CACNA2D4: variants seen among roughly 807,000 people sequenced by gnomAD.
The protein encoded by CACNA2D4 is calcium voltage-gated channel auxiliary subunit alpha2delta 4, also known as voltage-dependent calcium channel subunit alpha-2/delta-4.
Under a neutral mutation model 163.8 loss-of-function variants are expected in CACNA2D4, and 157 were observed. The ratio of observed to expected loss-of-function variants is 0.96; its 90% CI spans 0.84 to 1.09. The LOEUF is 1.09. CACNA2D4 is among the 50% of genes least tolerant of loss of function. CACNA2D4 has a pLI of 0.00. For missense variants in CACNA2D4, 1,410 were observed against 1,479.9 expected (o/e 0.95, Z 0.78); for synonymous variants, 598 against 586.9 (o/e 1.02, Z -0.27).
chr12:1,853,823 C>T (rs940080967), intron 23 of CACNA2D4, 128 bp downstream of exon 23: 1 of 674,230 alleles, frequency 1.5e-6, no homozygotes, highest in Non-Finnish European at 2.6e-6. Flanking sequence ...GGGACCTCCA[C>T]TTAATCTTAG....
At chr12:1,900,217 A>G (rs1866503712) in intron 6 of CACNA2D4, among the ~76,000 whole-genome samples, 2 of 152,100 alleles carry the variant, frequency 1.3e-5, no homozygotes, top group Non-Finnish European at 2.9e-5. Context: ...GCAGCCTCAG[A>G]CTCCTGGGGT....
At position 1,882,920 on chromosome 12, in the gene CACNA2D4, C is replaced by A. The variant is rs1380738626; in HGVS notation, c.1432G>T (p.Val478Phe). Residue 478 changes from valine to phenylalanine, a missense_variant, in exon 13 of 38, where the codon GTC (valine) becomes TTC (phenylalanine). Coordinates refer to ENST00000382722, the MANE Select transcript of CACNA2D4 (RefSeq NM_172364.5). ...ATGATGTCGTGGTCGTGGTTGATGA[C>A]CATGGGGCGGCTGAGCACGTGCAGG... is the stretch of plus-strand genomic sequence containing the variant. ...EYLHVLSRPMVINHDHDIIWT... is the reference protein window; with the variant it reads ...EYLHVLSRPMFINHDHDIIWT... The A allele has an allele frequency of 6.2e-7, 1 of 1,613,796 alleles. No individual in the cohort carries two copies. The highest frequency in any genetic ancestry group is 8.5e-7 in the Non-Finnish European group (1 of 1,179,826).
intron 18 of CACNA2D4, among the ~76,000 whole-genome samples, chr12:1,861,066 G>A (rs1221363122): frequency 1.3e-5 from 2 of 152,222 alleles, no homozygotes; most frequent in East Asian, 1.9e-4. Context: ...ACAAGTTCAT[G>A]TCATTGGGAA....
chr12:1,859,284 G>A (rs762743708), intron 19 of CACNA2D4, among the ~76,000 whole-genome samples: 6 of 152,038 alleles, frequency 3.9e-5, no homozygotes, highest in Admixed American at 6.6e-5. Context: ...GCTTGAGCCC[G>A]GGAGGTGGAG....
At chr12:1,817,429 T>G (rs1863912377) in intron 26 of CACNA2D4, among the ~76,000 whole-genome samples, 1 of 152,066 alleles carries the variant, frequency 6.6e-6, no homozygotes, top group African/African-American at 2.4e-5. Flanking sequence ...CCAGTCCCCC[T>G]GCTTGAACAG....
intron 6 of CACNA2D4, among the ~76,000 whole-genome samples, chr12:1,888,150 G>A (rs965370259): frequency 6.6e-6 from 1 of 152,182 alleles, no homozygotes; most frequent in Non-Finnish European, 1.5e-5. Context: ...AGTCATGGGA[G>A]GTAGGGCTTT....
chr12:1,887,411 G>T (rs1371751403), intron 6 of CACNA2D4, among the ~76,000 whole-genome samples: 1 of 152,224 alleles, frequency 6.6e-6, no homozygotes, highest in Admixed American at 6.5e-5. Context: ...ATCCAGCAAA[G>T]TGTGGACAAA....
chr12:1,910,666 G>T (rs144063295), intron 3 of CACNA2D4, among the ~76,000 whole-genome samples: 2 of 152,276 alleles, frequency 1.3e-5, no homozygotes, highest in East Asian at 3.9e-4. Flanking sequence ...ATATTATGCA[G>T]CCCTAAAAAG....
intron 26 of CACNA2D4, among the ~76,000 whole-genome samples, chr12:1,838,945 C>A (rs1393777553): frequency 6.6e-6 from 1 of 152,216 alleles, no homozygotes; most frequent in African/African-American, 2.4e-5. Flanking sequence ...GGGCACAAAT[C>A]CCTTCCAAGT....
rs564361725 is a variant in CACNA2D4 at position 1,829,706 on chromosome 12, T to C, written c.2551+11033A>G. 6.9e-6 allele frequency among the ~76,000 whole-genome samples: 1 copy of C among 144,688 alleles called. No homozygotes were observed. Among genetic ancestry groups the C allele is most frequent in the South Asian group, 2.5e-4 (1 of 4,016 alleles). 94.9% of individuals were successfully genotyped at this position (144,688 alleles called of 152,430 possible). A position where few individuals can be genotyped will look rare whatever the true frequency, so the allele number is the denominator to read the frequency against. ...CACAGCCCATCGGCCCACCCCGACC[T>C]GGGACAGCCAGGTCCCAGGTCCCAT... On this transcript the variant is annotated intron_variant, in intron 26 of 37. Coordinates refer to ENST00000382722, the MANE Select transcript of CACNA2D4 (RefSeq NM_172364.5). This position sits in a 1 kb window ranked among gnomAD's most constrained non-coding sequence, Gnocchi z 4.2.
At chr12:1,832,494 G>T (rs1461141598) in intron 26 of CACNA2D4, among the ~76,000 whole-genome samples, 1 of 152,220 alleles carries the variant, frequency 6.6e-6, no homozygotes, top group Non-Finnish European at 1.5e-5. Flanking sequence ...GATGCTCAAT[G>T]AATGTTTGCT....
chr12:1,795,879 G>A (rs1302834970), intron 35 of CACNA2D4, 99 bp from the exon 36 acceptor site: 2 of 816,828 alleles, frequency 2.4e-6, no homozygotes, highest in Non-Finnish European at 4.2e-6. Context: ...AGTTAGGGTG[G>A]CAGGGAAGCC....
At chr12:1,846,573 G>A (rs766319263) in intron 24 of CACNA2D4, 21 bp downstream of exon 24, 53 of 1,563,536 alleles carry the variant, frequency 3.4e-5, no homozygotes, top group African/African-American at 2.2e-4. Context: ...TTGCCCTCCC[G>A]AGGTGGCCGG....
chr12:1,799,936 T>G lies in CACNA2D4; in HGVS notation c.2974+64A>C. 6.6e-7 allele frequency: 1 copy of G among 1,515,484 alleles called. No homozygotes were observed. The allele number at this position is 1,515,484 out of a possible 1,614,324, so 93.9% of individuals were successfully genotyped here. The stretch of plus-strand genomic sequence containing the variant: ...GTCACCCACCCCACAGGGAATGGTC[T>G]CACGTTAGTGGACCAAAATGCCACT... On this transcript the variant is annotated intron_variant, in intron 33 of 37. Coordinates refer to ENST00000382722, the MANE Select transcript of CACNA2D4 (RefSeq NM_172364.5). The surrounding 1 kb of genome is among the most constrained non-coding windows in gnomAD (Gnocchi z 4.7).
At chr12:1,876,077 C>T (rs1429067509) in intron 16 of CACNA2D4, among the ~76,000 whole-genome samples, 1 of 152,232 alleles carries the variant, frequency 6.6e-6, no homozygotes, top group Non-Finnish European at 1.5e-5. Context: ...TCCCTCTTCA[C>T]AATCGTAAGC....
At chr12:1,913,784 C>T (rs1277018728) in intron 2 of CACNA2D4, among the ~76,000 whole-genome samples, 1 of 152,244 alleles carries the variant, frequency 6.6e-6, no homozygotes, top group Non-Finnish European at 1.5e-5. Context: ...TGTCTATTCA[C>T]CCAGCTCTGC....
At chr12:1,846,761 T>G (rs1265473261) in intron 23 of CACNA2D4, 72 bp from the exon 24 acceptor site, 9 of 1,244,310 alleles carry the variant, frequency 7.2e-6, no homozygotes, top group African/African-American at 1.5e-5. Flanking sequence ...CTGCAGGGGT[T>G]TGGGGGCCTC....
At chr12:1,877,173 G>A (rs1380417027) in intron 16 of CACNA2D4, among the ~76,000 whole-genome samples, 3 of 152,168 alleles carry the variant, frequency 2.0e-5, no homozygotes, top group Non-Finnish European at 4.4e-5. Context: ...TCACTGCATC[G>A]TGAGGTCAGG....
intron 23 of CACNA2D4, among the ~76,000 whole-genome samples, 194 bp downstream of exon 23, chr12:1,853,756 GA>G (rs1198921123): frequency 6.6e-6 from 1 of 152,224 alleles, no homozygotes; most frequent in Non-Finnish European, 1.5e-5. Context: ...CCAACCCAGA[GA>G]AAGGAGCTGT....
Sources: allele counts gnomAD v4.1 joint callset (sites outside exome capture counted in the v4.1 genomes callset), GRCh38; gene constraint gnomAD v4.1.1; non-coding constraint Gnocchi (gnomAD v3.1); transcripts MANE v1.5; gene names NCBI Gene and HGNC (gene_info 2026-07-23, HGNC 2026-07-21).